ARID1B: variants seen among roughly 807,000 people sequenced by gnomAD.
ARID1B encodes the protein AT-rich interactive domain-containing protein 1B.
ARID1B carries 30 observed loss-of-function variants against 212.3 expected under a neutral mutation model. That is an observed-to-expected ratio of 0.14 (90% CI 0.11 to 0.19). The LOEUF (loss-of-function observed/expected upper bound fraction) is 0.19, where lower values mean the gene tolerates loss of function less well. Among genes scored for constraint, ARID1B ranks in the 10% least tolerant of loss-of-function variants. The pLI is 1.00. For missense variants in ARID1B, 2,891 were observed against 3,204.0 expected (o/e 0.90, Z 2.36); for synonymous variants, 1,402 against 1,301.7 (o/e 1.08, Z -1.66).
intron 2 of ARID1B, among the ~76,000 whole-genome samples, chr6:156,887,393 A>G (rs1356454737): frequency 6.6e-6 from 1 of 152,152 alleles, no homozygotes; most frequent in Non-Finnish European, 1.5e-5. Context: ...TTGCATGATT[A>G]CCATTGCTAT....
chr6:156,931,400 C>T (rs1207494383), intron 3 of ARID1B, among the ~76,000 whole-genome samples: 2 of 152,146 alleles, frequency 1.3e-5, no homozygotes, highest in Non-Finnish European at 2.9e-5. Flanking sequence ...TAATAGTTAT[C>T]TTTACCCTTT....
intron 2 of ARID1B, among the ~76,000 whole-genome samples, chr6:156,866,844 T>C (rs903374755): frequency 1.3e-4 from 20 of 152,228 alleles, no homozygotes; most frequent in African/African-American, 4.3e-4. Context: ...ACGAGTTCTT[T>C]TGAATGGTTT....
At chr6:156,787,113 G>A (rs1039561487) in intron 1 of ARID1B, among the ~76,000 whole-genome samples, 1 of 151,930 alleles carries the variant, frequency 6.6e-6, no homozygotes, top group Non-Finnish European at 1.5e-5. Context: ...ATTCACTACC[G>A]AGAATAATAA....
intron 2 of ARID1B, among the ~76,000 whole-genome samples, chr6:156,875,478 A>C (rs1278356824): frequency 6.6e-6 from 1 of 152,242 alleles, no homozygotes; most frequent in Non-Finnish European, 1.5e-5. Flanking sequence ...GAGGTGAGAA[A>C]GTTTTCATTG....
chr6:156,962,651 T>A (rs1337234930), intron 4 of ARID1B, among the ~76,000 whole-genome samples: 1 of 151,990 alleles, frequency 6.6e-6, no homozygotes, highest in Non-Finnish European at 1.5e-5. Flanking sequence ...CCCGGCTAAT[T>A]TTTTTGTATT....
intron 17 of ARID1B, 126 bp downstream of exon 17, chr6:157,199,033 T>C: frequency 1.3e-6 from 1 of 798,798 alleles, no homozygotes; most frequent in South Asian, 2.1e-5. Flanking sequence ...TTGTTGAGCA[T>C]TCAGGATATA....
chr6:156,901,785 G>T, intron 3 of ARID1B: 1 of 525,708 alleles, frequency 1.9e-6, no homozygotes, highest in Non-Finnish European at 3.3e-6. Context: ...GTCAGTCATT[G>T]CTTGTTCCCT....
chr6:156,826,094 A>G (rs752874083), intron 1 of ARID1B, among the ~76,000 whole-genome samples: 4 of 152,236 alleles, frequency 2.6e-5, no homozygotes, highest in Non-Finnish European at 2.9e-5. Context: ...AGTCCAAACA[A>G]TGTCTTGGCT....
intron 5 of ARID1B, among the ~76,000 whole-genome samples, chr6:157,099,245 G>C (rs1461569559): frequency 6.6e-6 from 1 of 152,194 alleles, no homozygotes; most frequent in Non-Finnish European, 1.5e-5. Flanking sequence ...ATTGCGCTGG[G>C]CCAACTCCAG....
At chr6:157,073,079 C>T (rs1176408439) in intron 4 of ARID1B, among the ~76,000 whole-genome samples, 1 of 151,804 alleles carries the variant, frequency 6.6e-6, no homozygotes, top group Non-Finnish European at 1.5e-5. Context: ...TACATTTATG[C>T]CACTAGTATT....
chr6:156,923,722 A>T (rs1268935145), intron 3 of ARID1B, among the ~76,000 whole-genome samples: 5 of 144,998 alleles, frequency 3.4e-5, no homozygotes, highest in Non-Finnish European at 3.0e-5. Context: ...TTTTTTTTTT[A>T]AAGACAGAGT....
At chr6:156,828,093 C>T (rs1782882463) in intron 1 of ARID1B, among the ~76,000 whole-genome samples, 1 of 141,566 alleles carries the variant, frequency 7.1e-6, no homozygotes. Context: ...GAGACAGGGT[C>T]CCACTGTGTT....
chr6:156,912,254 CTTTTT>C (rs34051264), intron 3 of ARID1B, among the ~76,000 whole-genome samples: 1 of 126,598 alleles, frequency 7.9e-6, no homozygotes. Context: ...AATCAAACCT[CTTTTT>C]TTTTTTTTTT....
chr6:156,791,892 C>G (rs1421075389), intron 1 of ARID1B, among the ~76,000 whole-genome samples: 3 of 152,184 alleles, frequency 2.0e-5, no homozygotes, highest in Non-Finnish European at 4.4e-5. Flanking sequence ...TGACTCTCCT[C>G]TTTCTCTTCC....
chr6:157,022,417 C>G (rs1178379816), intron 4 of ARID1B: 1 of 152,222 alleles, frequency 6.6e-6, no homozygotes, highest in Admixed American at 6.5e-5. Flanking sequence ...CTGTGCTTTC[C>G]TGTTCTTAAT....
intron 2 of ARID1B, among the ~76,000 whole-genome samples, chr6:156,890,725 C>G (rs1787861338): frequency 6.6e-6 from 1 of 152,170 alleles, no homozygotes. Context: ...CTTTCTCATC[C>G]CGGGTCATCT....
At chr6:156,905,547 A>G (rs1359165032) in intron 3 of ARID1B, among the ~76,000 whole-genome samples, 2 of 152,204 alleles carry the variant, frequency 1.3e-5, no homozygotes, top group African/African-American at 2.4e-5. Flanking sequence ...AGTACCTTCC[A>G]AGATCACATG....
At chr6:156,932,375 T>C (rs1791819722) in intron 3 of ARID1B, among the ~76,000 whole-genome samples, 2 of 147,580 alleles carry the variant, frequency 1.4e-5, no homozygotes, top group South Asian at 4.3e-4. Flanking sequence ...CTCATTTCCA[T>C]TGCCTGGTTC....
At chr6:156,988,243 T>G (rs1182133678) in intron 4 of ARID1B, among the ~76,000 whole-genome samples, 2 of 152,194 alleles carry the variant, frequency 1.3e-5, no homozygotes, top group African/African-American at 4.8e-5. Context: ...AGACCAGTAA[T>G]ATGCTAAATA....
Sources: gnomAD v4.1 joint callset for allele counts (sites outside exome capture counted in the v4.1 genomes callset) on GRCh38, gnomAD v4.1.1 for gene constraint, MANE v1.5 for transcripts, NCBI Gene and HGNC (gene_info 2026-07-23, HGNC 2026-07-21) for gene names.